LRP1B: variants seen among roughly 807,000 people sequenced by gnomAD.
The protein encoded by LRP1B is LDL receptor related protein 1B, also known as low-density lipoprotein receptor-related protein 1B.
LRP1B carries 217 observed loss-of-function variants against 556.6 expected under a neutral mutation model. The ratio of observed to expected loss-of-function variants is 0.39; its 90% CI spans 0.35 to 0.44. LRP1B has a LOEUF of 0.44. LRP1B is among the 20% of genes least tolerant of loss of function. The pLI is 1.00. For missense variants in LRP1B, 5,053 were observed against 5,620.8 expected, an observed-to-expected ratio of 0.90 and a Z score of 3.23; for synonymous variants, 2,047 against 1,865.8, an observed-to-expected ratio of 1.10 and a Z score of -2.50.
chr2:141,803,050 T>C (rs536498490), intron 2 of LRP1B, among the ~76,000 whole-genome samples: 7 of 151,978 alleles, frequency 4.6e-5, no homozygotes, highest in Admixed American at 1.3e-4. Flanking sequence ...CCATAGTTTA[T>C]AGCCCCGCCT....
chr2:140,310,070 G>A (rs1382559514), intron 83 of LRP1B, among the ~76,000 whole-genome samples: 1 of 151,538 alleles, frequency 6.6e-6, no homozygotes, highest in Non-Finnish European at 1.5e-5. Flanking sequence ...TTTTCTTCTG[G>A]TAGTGATTTG....
intron 3 of LRP1B, among the ~76,000 whole-genome samples, chr2:141,294,726 T>C (rs190383009): frequency 2.0e-3 from 256 of 128,908 alleles, no homozygotes; most frequent in African/African-American, 7.2e-3. Context: ...GTTGACAGAA[T>C]GAGATTCTGT....
At chr2:140,675,239 T>C (rs1685630843) in intron 41 of LRP1B, among the ~76,000 whole-genome samples, 1 of 152,208 alleles carries the variant, frequency 6.6e-6, no homozygotes, top group Non-Finnish European at 1.5e-5. Flanking sequence ...TGCAACACTG[T>C]TTACGTTAGT....
At chr2:140,694,109 C>G (rs978196614) in intron 41 of LRP1B, among the ~76,000 whole-genome samples, 1 of 152,120 alleles carries the variant, frequency 6.6e-6, no homozygotes, top group Non-Finnish European at 1.5e-5. Flanking sequence ...TTAGTTAAAA[C>G]AAAACATCAG....
intron 3 of LRP1B, among the ~76,000 whole-genome samples, chr2:141,418,585 A>G (rs1168247769): frequency 6.6e-6 from 1 of 152,002 alleles, no homozygotes; most frequent in Non-Finnish European, 1.5e-5. Context: ...GTTCCATTGA[A>G]GTAATGGCTG....
At chr2:140,874,075 C>A (rs956551904) in intron 25 of LRP1B, among the ~76,000 whole-genome samples, 1 of 151,770 alleles carries the variant, frequency 6.6e-6, no homozygotes, top group East Asian at 1.9e-4. Flanking sequence ...AAAGTCCAAG[C>A]ATGACATGAA....
chr2:141,826,463 C>G (rs1025860865), intron 1 of LRP1B, among the ~76,000 whole-genome samples: 4 of 150,216 alleles, frequency 2.7e-5, no homozygotes, highest in Non-Finnish European at 4.4e-5. Flanking sequence ...GGGTTCACGC[C>G]ATTCTCCTGC....
At chr2:141,756,258 G>A (rs1189114977) in intron 2 of LRP1B, among the ~76,000 whole-genome samples, 4 of 151,964 alleles carry the variant, frequency 2.6e-5, no homozygotes, top group African/African-American at 7.2e-5. Context: ...AATTGTGGCC[G>A]TTTAAGTTAT....
chr2:141,713,056 C>T (rs1383130954), intron 2 of LRP1B, among the ~76,000 whole-genome samples: 1 of 151,314 alleles, frequency 6.6e-6, no homozygotes, highest in African/African-American at 2.4e-5. Flanking sequence ...ACAAATAAGT[C>T]CTACTGCAAA....
At chr2:140,317,390 A>G (rs1183468538) in intron 82 of LRP1B, among the ~76,000 whole-genome samples, 1 of 152,128 alleles carries the variant, frequency 6.6e-6, no homozygotes, top group Non-Finnish European at 1.5e-5. Context: ...ATTCAGAGGT[A>G]AAAATCACAG....
At chr2:140,545,883 A>G (rs909598123) in intron 43 of LRP1B, among the ~76,000 whole-genome samples, 13 of 152,040 alleles carry the variant, frequency 8.6e-5, no homozygotes, top group African/African-American at 3.1e-4. Flanking sequence ...GATTATTCGT[A>G]TCCATGAGCA....
At chr2:140,979,415 G>A (rs1696699875) in intron 18 of LRP1B, among the ~76,000 whole-genome samples, 1 of 152,112 alleles carries the variant, frequency 6.6e-6, no homozygotes, top group African/African-American at 2.4e-5. Context: ...ATATACCTGA[G>A]ACTTCTAATT....
intron 11 of LRP1B, among the ~76,000 whole-genome samples, chr2:141,040,311 A>G (rs16845178): frequency 0.098 from 14,833 of 152,126 alleles, 802 homozygotes; most frequent in African/African-American, 0.14. Context: ...ACATTATCAC[A>G]CTTTAAATTT....
At chr2:141,276,960 T>A (rs138750073) in intron 3 of LRP1B, among the ~76,000 whole-genome samples, 1 of 152,180 alleles carries the variant, frequency 6.6e-6, no homozygotes, top group African/African-American at 2.4e-5. Flanking sequence ...CCGGCCCCCA[T>A]CTCATTCTAT....
chr2:140,478,488 A>C (rs1558909931), intron 59 of LRP1B, among the ~76,000 whole-genome samples: 1 of 152,132 alleles, frequency 6.6e-6, no homozygotes, highest in Non-Finnish European at 1.5e-5. Flanking sequence ...TGGAGATCAT[A>C]TAGCTTAAAG....
rs143350582 is a variant in LRP1B at position 141,756,286 on chromosome 2, A to G, written c.205+53993T>C. Among the ~76,000 whole-genome samples the G allele has an allele frequency of 1.6e-4, 25 of 152,164 alleles. No homozygotes were observed. The East Asian group carries it at 4.4e-3, about 27-fold the overall frequency. ...TAAGTTATGTTCTGTTTTCCTAACA[A>G]CCCAACCAGCCAGCTTTCCCCAATA... is the stretch of plus-strand genomic sequence containing the variant. On this transcript the variant is annotated intron_variant, in intron 2 of 90. Transcript: ENST00000389484.
rs1170452147 is a variant in LRP1B at position 141,544,381 on chromosome 2, T to TCTC, written c.206-63851_206-63849dup. ...TTCTTCTTCTTCTTCTTCTTCTTCTTCTCCTCCTCCTCCTCCTCCTCCTCC... is the reference window on the plus strand; with the variant it reads ...TTCTTCTTCTTCTTCTTCTTCTTCTTCTCCTCCTCCTCCTCCTCCTCCTCCTCC... On this transcript the variant is annotated intron_variant, in intron 2 of 90. Coordinates refer to ENST00000389484, the MANE Select transcript of LRP1B (RefSeq NM_018557.3). 1.7e-3 allele frequency among the ~76,000 whole-genome samples: 133 copies of TCTC among 79,778 alleles called. 5 individuals are homozygous for TCTC. The highest frequency in any genetic ancestry group is 5.4e-3 in the African/African-American group (124 of 23,032). The allele number at this position is 79,778 out of a possible 152,430, so 52.3% of individuals were successfully genotyped here. A position where few individuals can be genotyped will look rare whatever the true frequency, so the allele number is the denominator to read the frequency against.
At chr2:141,948,288 G>T (rs1330134297) in intron 1 of LRP1B, among the ~76,000 whole-genome samples, 2 of 151,834 alleles carry the variant, frequency 1.3e-5, no homozygotes, top group African/African-American at 4.8e-5. Context: ...GACAGAGAAA[G>T]ACTCCATTTT....
chr2:140,406,215 TC>T (rs1240695557), intron 66 of LRP1B, among the ~76,000 whole-genome samples: 2 of 151,948 alleles, frequency 1.3e-5, no homozygotes, highest in African/African-American at 4.8e-5. Flanking sequence ...GCCATATATG[TC>T]AAACCCACAG....
Sources: allele counts gnomAD v4.1 joint callset (sites outside exome capture counted in the v4.1 genomes callset), GRCh38; gene constraint gnomAD v4.1.1; transcripts MANE v1.5; gene names NCBI Gene and HGNC (gene_info 2026-07-23, HGNC 2026-07-21).